Variants in PELI2 observed in about 807,000 individuals in gnomAD.
PELI2 encodes E3 ubiquitin-protein ligase pellino homolog 2.
Under a neutral mutation model 42.3 loss-of-function variants are expected in PELI2, and 23 were observed. The observed-to-expected ratio is 0.54, with a 90% confidence interval of 0.39 to 0.77. The LOEUF is 0.77. Among genes scored for constraint, PELI2 ranks in the 30% least tolerant of loss-of-function variants. PELI2 has a pLI of 0.00. For missense variants in PELI2, 463 were observed against 553.2 expected (o/e 0.84, Z 1.64); for synonymous variants, 245 against 212.2 (o/e 1.15, Z -1.34).
chr14:56,162,661 T>G (rs950476646), intron 1 of PELI2, among the ~76,000 whole-genome samples: 23 of 152,184 alleles, frequency 1.5e-4, no homozygotes, highest in Non-Finnish European at 2.8e-4. Context: ...TGGTGCTCAA[T>G]TTTTAGTTTT....
chr14:56,225,395 C>T (rs529860052), intron 2 of PELI2, among the ~76,000 whole-genome samples: 47 of 152,232 alleles, frequency 3.1e-4, no homozygotes, highest in Middle Eastern at 6.8e-3. Flanking sequence ...GTGATGCGAC[C>T]ACAAAGCTGT....
At chr14:56,239,043 G>A (rs1958995) in intron 2 of PELI2, among the ~76,000 whole-genome samples, 61,344 of 152,056 alleles carry the variant, frequency 0.4, 13,089 homozygotes, top group South Asian at 0.53. Context: ...AGCATGAATT[G>A]ATTCTAAATG....
At chr14:56,156,162 T>G (rs1355438947) in intron 1 of PELI2, among the ~76,000 whole-genome samples, 1 of 152,232 alleles carries the variant, frequency 6.6e-6, no homozygotes, top group East Asian at 1.9e-4. Flanking sequence ...TTATCAAATG[T>G]CTTCTCAGTA....
chr14:56,154,851 A>G (rs1374436672), intron 1 of PELI2, among the ~76,000 whole-genome samples: 1 of 152,180 alleles, frequency 6.6e-6, no homozygotes, highest in Non-Finnish European at 1.5e-5. Flanking sequence ...CTTTGTGGAG[A>G]GATTGTACTA....
At chr14:56,286,292 T>C (rs539229737) in intron 3 of PELI2, among the ~76,000 whole-genome samples, 1 of 152,290 alleles carries the variant, frequency 6.6e-6, no homozygotes, top group South Asian at 2.1e-4. Context: ...GGAGCAACAA[T>C]ATTTCATCCT....
chr14:56,171,940 C>T (rs538092774), intron 1 of PELI2, among the ~76,000 whole-genome samples: 4 of 152,026 alleles, frequency 2.6e-5, no homozygotes, highest in East Asian at 1.9e-4. Context: ...CACTTGAACT[C>T]GAGAGGCGGA....
At chr14:56,162,369 G>A (rs1884796296) in intron 1 of PELI2, among the ~76,000 whole-genome samples, 1 of 152,118 alleles carries the variant, frequency 6.6e-6, no homozygotes, top group Non-Finnish European at 1.5e-5. Flanking sequence ...TGTGATGTTT[G>A]TTTTTCTGTG....
chr14:56,157,831 T>C (rs1461296527), intron 1 of PELI2, among the ~76,000 whole-genome samples: 1 of 152,180 alleles, frequency 6.6e-6, no homozygotes, highest in African/African-American at 2.4e-5. Context: ...GAAAAGACAC[T>C]GGAAGTAATT....
chr14:56,289,995 CTT>C (rs1889774914), intron 4 of PELI2, among the ~76,000 whole-genome samples: 1 of 152,134 alleles, frequency 6.6e-6, no homozygotes, highest in South Asian at 2.1e-4. Context: ...TAAAAAGAAT[CTT>C]AGAGGGAGAA....
At chr14:56,274,696 A>G (rs1889227941) in intron 2 of PELI2, among the ~76,000 whole-genome samples, 1 of 152,210 alleles carries the variant, frequency 6.6e-6, no homozygotes, top group South Asian at 2.1e-4. Flanking sequence ...AACTGTTCTC[A>G]TCCCTGAATG....
Position 56,118,768 on chromosome 14 carries a change from C to A in PELI2, c.77+31C>A. On this transcript the variant is annotated intron_variant, in intron 1 of 5. Coordinates refer to ENST00000267460, the MANE Select transcript of PELI2 (RefSeq NM_021255.3). ...TCCTGGGGTCCCTGGTCCCGGGCAG[C>A]GGCGCGGGCGGGGAGCGCCCGCATC... 2.1e-6 allele frequency: 3 copies of A among 1,413,190 alleles called. No individual in the cohort carries two copies. The African/African-American group carries it at 4.5e-5, about 21-fold the overall frequency. 87.5% of individuals were successfully genotyped at this position (1,413,190 alleles called of 1,614,324 possible).
chr14:56,247,144 G>C (rs865821335), intron 2 of PELI2, among the ~76,000 whole-genome samples: 1 of 146,288 alleles, frequency 6.8e-6, no homozygotes, highest in Non-Finnish European at 1.6e-5. Flanking sequence ...GCTATTATAT[G>C]TACAAACACA....
intron 2 of PELI2, among the ~76,000 whole-genome samples, chr14:56,224,525 G>A (rs935324483): frequency 3.3e-5 from 5 of 152,160 alleles, no homozygotes; most frequent in Non-Finnish European, 7.4e-5. Flanking sequence ...TCTGTTCAAA[G>A]TTCAGTAGGG....
At chr14:56,293,307 C>G (rs1889895316) in intron 5 of PELI2, among the ~76,000 whole-genome samples, 1 of 152,150 alleles carries the variant, frequency 6.6e-6, no homozygotes. Flanking sequence ...CTGCTCATAG[C>G]TTTTCTTTTG....
chr14:56,174,841 G>A (rs1028837213), intron 1 of PELI2, among the ~76,000 whole-genome samples: 2 of 152,118 alleles, frequency 1.3e-5, no homozygotes, highest in East Asian at 3.9e-4. Flanking sequence ...CAACCAGGAC[G>A]TTACAGTCGG....
chr14:56,242,683 C>A (rs895149542), intron 2 of PELI2, among the ~76,000 whole-genome samples: 3 of 152,174 alleles, frequency 2.0e-5, no homozygotes, highest in Admixed American at 2.0e-4. Flanking sequence ...TAAAAAGGAA[C>A]AAAATGAAGA....
intron 1 of PELI2, among the ~76,000 whole-genome samples, chr14:56,166,372 C>T (rs543078495): frequency 8.5e-5 from 13 of 152,214 alleles, no homozygotes; most frequent in Admixed American, 6.5e-4. Flanking sequence ...TTGATTGGTT[C>T]ATCTTTCTAC....
intron 2 of PELI2, among the ~76,000 whole-genome samples, chr14:56,243,389 C>T (rs537437657): frequency 6.6e-6 from 1 of 152,276 alleles, no homozygotes; most frequent in East Asian, 1.9e-4. Context: ...CTGATCTCTG[C>T]AGGCTTTCTC....
chr14:56,252,976 G>A (rs990875919), intron 2 of PELI2, among the ~76,000 whole-genome samples: 6 of 152,158 alleles, frequency 3.9e-5, no homozygotes, highest in African/African-American at 1.4e-4. Flanking sequence ...CTGGCAAACA[G>A]AATCCAGCAG....
Sources: allele counts gnomAD v4.1 joint callset (sites outside exome capture counted in the v4.1 genomes callset), GRCh38; gene constraint gnomAD v4.1.1; transcripts MANE v1.5; gene names NCBI Gene and HGNC (gene_info 2026-07-23, HGNC 2026-07-21).